Variants in TMEM45A observed in about 807,000 individuals in gnomAD.
The protein encoded by TMEM45A is transmembrane protein 45A, also known as DNA polymerase-transactivated protein 4.
Under a neutral mutation model 32.0 loss-of-function variants are expected in TMEM45A, and 25 were observed. The ratio of observed to expected loss-of-function variants is 0.78; its 90% CI spans 0.57 to 1.09. TMEM45A has a LOEUF of 1.09. Ranked by LOEUF, TMEM45A falls within the 50% of genes least tolerant of loss-of-function variation. The pLI is 0.00. For missense variants in TMEM45A, 302 were observed against 325.0 expected (o/e 0.93, Z 0.54); for synonymous variants, 122 against 114.8 (o/e 1.06, Z -0.40).
chr3:100,525,013 A>G (rs1380350320), intron 1 of TMEM45A, among the ~76,000 whole-genome samples: 1 of 152,050 alleles, frequency 6.6e-6, no homozygotes, highest in African/African-American at 2.4e-5. Flanking sequence ...ACATAGTGAG[A>G]CCTTGTCTTT....
intron 5 of TMEM45A, among the ~76,000 whole-genome samples, 194 bp from the exon 6 acceptor site, chr3:100,576,731 C>G (rs1706695983): frequency 6.6e-6 from 1 of 152,222 alleles, no homozygotes; most frequent in South Asian, 2.1e-4. Context: ...CACGTTGTAT[C>G]TGTTTACTTA....
intron 1 of TMEM45A, among the ~76,000 whole-genome samples, chr3:100,541,856 T>C (rs548016232): frequency 6.6e-6 from 1 of 152,344 alleles, no homozygotes; most frequent in Non-Finnish European, 1.5e-5. Context: ...TGCATATGGC[T>C]AGCCAGCTAT....
intron 3 of TMEM45A, among the ~76,000 whole-genome samples, chr3:100,557,582 C>A (rs143958966): frequency 1.7e-4 from 26 of 150,794 alleles, no homozygotes; most frequent in Non-Finnish European, 2.8e-4. Flanking sequence ...GTATTACACA[C>A]GTAAAAAATA....
intron 1 of TMEM45A, among the ~76,000 whole-genome samples, chr3:100,529,250 T>C (rs1050430811): frequency 5.3e-5 from 8 of 152,222 alleles, no homozygotes; most frequent in African/African-American, 1.9e-4. Context: ...TAGAAGGCAG[T>C]AGCATATGAG....
At chr3:100,529,853 A>G (rs1705613443) in intron 1 of TMEM45A, among the ~76,000 whole-genome samples, 1 of 152,040 alleles carries the variant, frequency 6.6e-6, no homozygotes, top group Non-Finnish European at 1.5e-5. Context: ...CCTGAGCTCA[A>G]GTGATCCACA....
chr3:100,566,571 A>T (rs547873308), intron 4 of TMEM45A, among the ~76,000 whole-genome samples: 1 of 152,226 alleles, frequency 6.6e-6, no homozygotes, highest in South Asian at 2.1e-4. Flanking sequence ...ATGTATTATT[A>T]TCTTCATTAT....
Position 100,511,334 on chromosome 3 carries a change from C to A in TMEM45A, c.-4+18406C>A, listed in dbSNP as rs1183762089. On this transcript the variant is annotated intron_variant, in intron 1 of 5. Coordinates refer to ENST00000323523, the MANE Select transcript of TMEM45A (RefSeq NM_018004.3). ...GGCCAATATTCAACATTCTTAAAGA[C>A]AAGAATTTTCAACCCAGAATTTCAT... 2.8e-3 allele frequency among the ~76,000 whole-genome samples: 428 copies of A among 152,142 alleles called. 1 individual carries two copies. The highest frequency in any genetic ancestry group is 9.6e-3 in the African/African-American group (400 of 41,516).
At chr3:100,503,988 A>G (rs1418219767) in intron 1 of TMEM45A, among the ~76,000 whole-genome samples, 1 of 152,198 alleles carries the variant, frequency 6.6e-6, no homozygotes, top group Non-Finnish European at 1.5e-5. Context: ...AGAATTGGCA[A>G]GTGCTCAGGT....
At position 100,532,418 on chromosome 3, in the gene TMEM45A, C is replaced by A. The variant is rs571256667; in HGVS notation, c.-3-22791C>A. Among the ~76,000 whole-genome samples the A allele has an allele frequency of 2.0e-5, 3 of 152,312 alleles. No individual in the cohort carries two copies. In the South Asian group the frequency reaches 6.2e-4, roughly 32 times the overall value. ...CAAAAGTCATCTACAGCAGGCTTTTCCGGCTTTAATGTACTTAACAGATCA... is the reference window on the plus strand; with the variant it reads ...CAAAAGTCATCTACAGCAGGCTTTTACGGCTTTAATGTACTTAACAGATCA... On this transcript the variant is annotated intron_variant, in intron 1 of 5. Coordinates refer to ENST00000323523, the MANE Select transcript of TMEM45A (RefSeq NM_018004.3).
intron 1 of TMEM45A, among the ~76,000 whole-genome samples, chr3:100,505,893 A>C (rs894633720): frequency 1.3e-4 from 20 of 152,084 alleles, no homozygotes; most frequent in African/African-American, 4.6e-4. Context: ...TGCAATTCAG[A>C]CTCCCAATTT....
rs540650376 is a variant in TMEM45A, at chr3:100,524,547, C to G, written c.-3-30662C>G. ...TTTACATTGTCCAATATGGTAGCCA[C>G]GAGCCACATGTGGCTATTGAACAAC... On this transcript the variant is annotated intron_variant, in intron 1 of 5. Coordinates refer to ENST00000323523, the MANE Select transcript of TMEM45A (RefSeq NM_018004.3). 1.4e-4 allele frequency among the ~76,000 whole-genome samples: 21 copies of G among 152,214 alleles called. No homozygotes were observed. In the South Asian group the frequency reaches 4.4e-3, roughly 32 times the overall value.
chr3:100,543,522 G>T (rs1705927477), intron 1 of TMEM45A, among the ~76,000 whole-genome samples: 1 of 152,028 alleles, frequency 6.6e-6, no homozygotes, highest in African/African-American at 2.4e-5. Flanking sequence ...TGATATAATA[G>T]ATTTTTTAAA....
chr3:100,498,676 G>A (rs527986702), intron 1 of TMEM45A, among the ~76,000 whole-genome samples: 9 of 152,212 alleles, frequency 5.9e-5, no homozygotes, highest in East Asian at 5.8e-4. Context: ...ATAATGCTGC[G>A]ATAAACATTG....
chr3:100,550,764 GT>G (rs1451733850), intron 1 of TMEM45A, among the ~76,000 whole-genome samples: 1 of 152,194 alleles, frequency 6.6e-6, no homozygotes, highest in East Asian at 1.9e-4. Context: ...AAGGGATAGA[GT>G]TTTAAAATGT....
At chr3:100,504,237 C>T (rs1211012736) in intron 1 of TMEM45A, among the ~76,000 whole-genome samples, 1 of 147,226 alleles carries the variant, frequency 6.8e-6, no homozygotes, top group African/African-American at 2.5e-5. Context: ...CCATTGTAGC[C>T]TTATATTTTT....
At chr3:100,517,125 C>CTTTTCT (rs386397407) in intron 1 of TMEM45A, among the ~76,000 whole-genome samples, 6 of 151,270 alleles carry the variant, frequency 4.0e-5, no homozygotes, top group South Asian at 2.1e-4. Flanking sequence ...CTTTTCTTTT[C>CTTTTCT]TTTTTTTTTA....
chr3:100,576,341 C>T (rs963556061), intron 5 of TMEM45A, among the ~76,000 whole-genome samples: 1 of 152,090 alleles, frequency 6.6e-6, no homozygotes, highest in Non-Finnish European at 1.5e-5. Flanking sequence ...ATTCCAGCTA[C>T]TCAGGAGGCT....
chr3:100,507,083 C>T (rs992409970), intron 1 of TMEM45A, among the ~76,000 whole-genome samples: 8 of 152,176 alleles, frequency 5.3e-5, no homozygotes, highest in African/African-American at 1.9e-4. Context: ...CATAACTGAG[C>T]TCCACAATAT....
chr3:100,493,333 A>G (rs1707875443), intron 1 of TMEM45A, among the ~76,000 whole-genome samples: 1 of 152,026 alleles, frequency 6.6e-6, no homozygotes, highest in African/African-American at 2.4e-5. Context: ...GGAGATTGAG[A>G]AAATTATCTG....
Sources: allele counts gnomAD v4.1 joint callset (sites outside exome capture counted in the v4.1 genomes callset), GRCh38; gene constraint gnomAD v4.1.1; transcripts MANE v1.5; gene names NCBI Gene and HGNC (gene_info 2026-07-23, HGNC 2026-07-21).